ZC3H12B: variants seen among roughly 807,000 people sequenced by gnomAD.
ZC3H12B encodes probable ribonuclease ZC3H12B.
In ZC3H12B, 7 loss-of-function variants were observed where a neutral mutation model predicts 43.9. That is an observed-to-expected ratio of 0.16 (90% CI 0.09 to 0.30). The LOEUF is 0.30. ZC3H12B is among the 10% of genes least tolerant of loss of function. The pLI is 1.00. For missense variants in ZC3H12B, 475 were observed against 670.2 expected (o/e 0.71, Z 3.22); for synonymous variants, 222 against 241.7 (o/e 0.92, Z 0.76).
chrX:65,182,765 G>A, the ZC3H12B span, among the ~76,000 whole-genome samples: 52 of 109,900 alleles, frequency 4.7e-4, no homozygotes, highest in East Asian at 6.8e-3. Flanking sequence ...TGCAAATGAC[G>A]TGGACAGACA....
the ZC3H12B span, among the ~76,000 whole-genome samples, chrX:65,293,161 G>C: frequency 9.0e-6 from 1 of 111,332 alleles, no homozygotes; most frequent in Non-Finnish European, 1.9e-5. Flanking sequence ...CTGGAAGATG[G>C]ATCACACCAC....
chrX:65,184,295 A>G, the ZC3H12B span, among the ~76,000 whole-genome samples: 2 of 111,305 alleles, frequency 1.8e-5, no homozygotes, highest in Non-Finnish European at 3.8e-5. Flanking sequence ...TAATGATTAC[A>G]ATAGCAACAT....
chrX:65,110,504 T>C, the ZC3H12B span, among the ~76,000 whole-genome samples: 1 of 110,465 alleles, frequency 9.1e-6, no homozygotes, highest in African/African-American at 3.3e-5. Context: ...TTATTACCTA[T>C]GGATGCACAA....
At chrX:65,393,285 T>C (rs2066652206) in intron 2 of ZC3H12B, among the ~76,000 whole-genome samples, 1 of 112,422 alleles carries the variant, frequency 8.9e-6, no homozygotes, top group Admixed American at 9.4e-5. Context: ...ATCCTTTCTT[T>C]TTTAATTTAA....
chrX:65,244,474 G>T, the ZC3H12B span, among the ~76,000 whole-genome samples: 1 of 109,713 alleles, frequency 9.1e-6, no homozygotes, highest in Non-Finnish European at 1.9e-5. Context: ...GCTAGGTGTG[G>T]TGGCTCACAA....
At chrX:65,150,126 A>T in the ZC3H12B span, among the ~76,000 whole-genome samples, 1 of 110,883 alleles carries the variant, frequency 9.0e-6, no homozygotes, top group East Asian at 2.8e-4. Flanking sequence ...TAACTTTGTC[A>T]TATCTCTTTT....
the ZC3H12B span, among the ~76,000 whole-genome samples, chrX:65,101,849 T>C: frequency 8.9e-6 from 1 of 112,008 alleles, no homozygotes; most frequent in South Asian, 3.7e-4. Context: ...TTCCAATCAA[T>C]AGAAAAAGAG....
chrX:65,459,928 C>G (rs1473769092), intron 3 of ZC3H12B, among the ~76,000 whole-genome samples: 3 of 111,530 alleles, frequency 2.7e-5, no homozygotes, highest in East Asian at 2.8e-4. Context: ...GTCCCTGTTT[C>G]CAGATGACAT....
the ZC3H12B span, among the ~76,000 whole-genome samples, chrX:65,161,883 A>G: frequency 2.3e-3 from 256 of 111,719 alleles, no homozygotes; most frequent in Non-Finnish European, 3.6e-3. Context: ...AGAATTTGTC[A>G]TGATTTTGCA....
At chrX:65,068,971 T>A in the ZC3H12B span, among the ~76,000 whole-genome samples, 1 of 109,466 alleles carries the variant, frequency 9.1e-6, no homozygotes, top group South Asian at 4.0e-4. Flanking sequence ...GCCCATAAGG[T>A]TTCTCCTGAG....
At chrX:65,384,054 A>G (rs760985504) in intron 2 of ZC3H12B, among the ~76,000 whole-genome samples, 10,674 of 99,226 alleles carry the variant, frequency 0.11, 733 homozygotes, top group Non-Finnish European at 0.17. Context: ...ATGCTGCTAT[A>G]AAGACACATG....
At chrX:65,130,295 G>A in the ZC3H12B span, among the ~76,000 whole-genome samples, 2 of 111,218 alleles carry the variant, frequency 1.8e-5, no homozygotes, top group Non-Finnish European at 3.8e-5. Flanking sequence ...AAGTGGGCCC[G>A]TTATTGGACT....
the ZC3H12B span, among the ~76,000 whole-genome samples, chrX:65,247,486 C>G: frequency 1.4e-4 from 16 of 112,649 alleles, no homozygotes; most frequent in African/African-American, 4.8e-4. Flanking sequence ...TGGGATCAAC[C>G]TAAATGCCTA....
intron 3 of ZC3H12B, among the ~76,000 whole-genome samples, chrX:65,419,189 C>T (rs2066991749): frequency 8.9e-6 from 1 of 111,969 alleles, no homozygotes; most frequent in Non-Finnish European, 1.9e-5. Flanking sequence ...AGAATCCCCA[C>T]ATCAGTTCCC....
chrX:65,057,531 C>T, the ZC3H12B span, among the ~76,000 whole-genome samples: 1 of 111,585 alleles, frequency 9.0e-6, no homozygotes, highest in Non-Finnish European at 1.9e-5. Context: ...ACCTTCATTT[C>T]AACTTTGGTG....
Position 65,502,025 on chromosome X carries a change from G to A in ZC3H12B, c.1327G>A (p.Val443Met), listed in dbSNP as rs2068373258. 2.5e-6 allele frequency: 3 copies of A among 1,210,678 alleles called. No homozygotes were observed. In the East Asian group the frequency reaches 8.9e-5, roughly 36 times the overall value. The change falls in exon 5 of 5, where the codon GTG (valine) becomes ATG (methionine). Residue 443 changes from valine (V) to methionine (M), a missense_variant. By Grantham distance (21) the Val-to-Met change is conservative. Coordinates refer to ENST00000338957, the Ensembl canonical transcript of ZC3H12B. ...CCAATCAGATCCCAGCATCCGGTCT[G>A]TGGCTATGGAGCCTGAGGAATGGCT... is the stretch of plus-strand genomic sequence containing the variant.
chrX:65,117,426 ATTTG>A, the ZC3H12B span, among the ~76,000 whole-genome samples: 3 of 111,668 alleles, frequency 2.7e-5, no homozygotes, highest in East Asian at 5.7e-4. Context: ...TTTCTCATAA[ATTTG>A]TTTAAGTTTT....
At chrX:65,126,062 T>TTA in the ZC3H12B span, among the ~76,000 whole-genome samples, 1 of 108,074 alleles carries the variant, frequency 9.3e-6, no homozygotes, top group African/African-American at 3.5e-5. Context: ...TTTTTTTTTT[T>TTA]CATTCAGAAC....
chrX:65,468,032 C>T (rs937726074), intron 3 of ZC3H12B, among the ~76,000 whole-genome samples: 2 of 111,919 alleles, frequency 1.8e-5, no homozygotes, highest in African/African-American at 6.5e-5. Flanking sequence ...TTTGCCTAGG[C>T]CAATGTCCAG....
Sources: allele counts gnomAD v4.1 joint callset (sites outside exome capture counted in the v4.1 genomes callset), GRCh38; gene constraint gnomAD v4.1.1; transcripts MANE v1.5; gene names NCBI Gene and HGNC (gene_info 2026-07-23, HGNC 2026-07-21).